CACNA1C: variants seen among roughly 807,000 people sequenced by gnomAD.
CACNA1C encodes voltage-dependent L-type calcium channel subunit alpha-1C.
In CACNA1C, 30 loss-of-function variants were observed where a neutral mutation model predicts 229.0. The ratio of observed to expected loss-of-function variants is 0.13; its 90% CI spans 0.10 to 0.18. CACNA1C has a LOEUF of 0.18. CACNA1C is among the 10% of genes least tolerant of loss of function. The pLI, the probability that CACNA1C is intolerant of heterozygous loss-of-function variation, is 1.00. For missense variants in CACNA1C, 1,658 were observed against 2,845.0 expected (o/e 0.58, Z 9.49); for synonymous variants, 1,114 against 1,132.5 (o/e 0.98, Z 0.33).
chr12:2,462,337 C>T (rs996661904), intron 5 of CACNA1C, among the ~76,000 whole-genome samples: 17 of 150,706 alleles, frequency 1.1e-4, no homozygotes, highest in African/African-American at 4.2e-4. Context: ...TCGGCCCGCC[C>T]CTTGGCTCAG....
chr12:2,651,798 G>T lies in CACNA1C; in HGVS notation c.4074+30G>T. The T allele has an allele frequency of 6.5e-7, 1 of 1,538,098 alleles. No individual in the cohort carries two copies. The highest frequency in any genetic ancestry group is 8.8e-7 in the Non-Finnish European group (1 of 1,141,530). ...CCGCCCCTCATGTCCTGCGGCCCGG[G>T]GAATCGCAGGGCTGCCGCGTGGCCC... On this transcript the variant is annotated intron_variant, in intron 32 of 46. Coordinates refer to ENST00000399655, the MANE Select transcript of CACNA1C (RefSeq NM_000719.7). The surrounding 1 kb of genome is among the most constrained non-coding windows in gnomAD (Gnocchi z 5.4).
chr12:2,115,366 G>C lies in CACNA1C; in HGVS notation c.192G>C (p.Leu64=). The stretch of plus-strand genomic sequence containing the variant: ...TCGACGCAGCCCGGCAGGCTAAGCT[G>C]ATGGGCAGCGCTGGCAATGCGACCA... ...AAIDAARQAK[L]MGSAGNATIS... The change falls in exon 2 of 47, where the codon CTG becomes CTC. Residue 64 remains leucine, a synonymous_variant. Coordinates refer to ENST00000399655, the MANE Select transcript of CACNA1C (RefSeq NM_000719.7). The C allele has an allele frequency of 6.2e-7, 1 of 1,602,640 alleles. No homozygotes were observed. The highest frequency in any genetic ancestry group is 8.5e-7 in the Non-Finnish European group (1 of 1,176,652).
rs776364520 is a variant in CACNA1C, at chr12:2,585,821, C to T, written c.2461-14C>T. On this transcript the variant is annotated splice_polypyrimidine_tract_variant and intron_variant, in intron 17 of 46. Transcript: ENST00000399655. This position sits in a 1 kb window ranked among gnomAD's most constrained non-coding sequence, Gnocchi z 4.1. ...TCTAACTATTCTTCCCCCTTCTCCC[C>T]TGTGACTGTCTAGATCAACATGGAT... is the stretch of plus-strand genomic sequence containing the variant. The T allele has an allele frequency of 6.3e-7, 1 of 1,595,624 alleles. No homozygotes were observed. The highest frequency in any genetic ancestry group is 2.2e-5 in the East Asian group (1 of 44,608).
chr12:2,370,003 A>C (rs370393678), intron 3 of CACNA1C, among the ~76,000 whole-genome samples: 3 of 152,218 alleles, frequency 2.0e-5, no homozygotes, highest in Non-Finnish European at 4.4e-5. Context: ...GCTGCTGTAT[A>C]AGGAGATCTT....
intron 1 of CACNA1C, among the ~76,000 whole-genome samples, chr12:1,976,713 T>TA (rs2034476968): frequency 6.6e-6 from 1 of 152,096 alleles, no homozygotes; most frequent in South Asian, 2.1e-4. Context: ...AGGGGTTCAA[T>TA]AAAATCCCTA....
chr12:2,302,126 A>G (rs192483843), intron 3 of CACNA1C, among the ~76,000 whole-genome samples: 7 of 152,276 alleles, frequency 4.6e-5, no homozygotes, highest in African/African-American at 1.7e-4. Context: ...GTGACTGACT[A>G]GTGTTTATGA....
chr12:2,237,460 C>T (rs1405958934), intron 3 of CACNA1C, among the ~76,000 whole-genome samples: 2 of 152,196 alleles, frequency 1.3e-5, no homozygotes. Flanking sequence ...GATTTCTGTT[C>T]CTGTTGTTTG....
At chr12:2,396,429 G>T (rs1264150651) in intron 3 of CACNA1C, among the ~76,000 whole-genome samples, 1 of 152,212 alleles carries the variant, frequency 6.6e-6, no homozygotes, top group Admixed American at 6.5e-5. Flanking sequence ...CTCTTTCTGT[G>T]GTTGGGGGCA....
chr12:2,460,716 C>T (rs1567819079), intron 5 of CACNA1C, among the ~76,000 whole-genome samples: 2 of 152,176 alleles, frequency 1.3e-5, no homozygotes, highest in African/African-American at 2.4e-5. Flanking sequence ...AAAATATTTT[C>T]GCCATTAGAG....
intron 1 of CACNA1C, among the ~76,000 whole-genome samples, chr12:2,038,687 A>G (rs2049563312): frequency 6.6e-6 from 1 of 152,210 alleles, no homozygotes. Context: ...ATAGGGTGCT[A>G]GTTTTGCCGG....
chr12:2,582,617 A>G (rs1235276617), intron 14 of CACNA1C, among the ~76,000 whole-genome samples: 2 of 152,196 alleles, frequency 1.3e-5, no homozygotes, highest in African/African-American at 4.8e-5. Context: ...TTCAAATAAT[A>G]TTATGCCAAT....
At chr12:2,388,433 G>C (rs2098431982) in intron 3 of CACNA1C, among the ~76,000 whole-genome samples, 1 of 152,198 alleles carries the variant, frequency 6.6e-6, no homozygotes, top group South Asian at 2.1e-4. Flanking sequence ...ATATGCAGTT[G>C]TTATTTGTCA....
At chr12:2,004,201 C>T (rs750600037) in intron 1 of CACNA1C, 3 of 1,572,060 alleles carry the variant, frequency 1.9e-6, no homozygotes, top group East Asian at 2.3e-5. Context: ...TCCCCCTCAC[C>T]GGGTCCTCAA....
intron 30 of CACNA1C, chr12:2,641,578 A>C: frequency 1.7e-6 from 1 of 598,306 alleles, no homozygotes; most frequent in Non-Finnish European, 3.0e-6. Flanking sequence ...CACTTTCGGC[A>C]ACAGCCCCCA....
At chr12:2,592,147 C>T (rs1465634102) in intron 18 of CACNA1C, among the ~76,000 whole-genome samples, 4 of 152,172 alleles carry the variant, frequency 2.6e-5, no homozygotes, top group South Asian at 4.1e-4. Context: ...AAAATAGTTT[C>T]GTGTGAGTGG....
intron 3 of CACNA1C, among the ~76,000 whole-genome samples, chr12:2,344,647 T>A (rs1169170445): frequency 6.6e-6 from 1 of 152,162 alleles, no homozygotes; most frequent in Admixed American, 6.5e-5. Flanking sequence ...CTCACCTTGC[T>A]TTATTCCCAC....
At position 2,566,718 on chromosome 12, in the gene CACNA1C, G is replaced by A. The variant is rs1342249456; in HGVS notation, c.1669+136G>A. ...GGGGCTCTTGGCAGGTGCTGTGCTG[G>A]AGACACCAAGGGCCTGGCAGTTCCA... On this transcript the variant is annotated intron_variant, in intron 12 of 46. Transcript: ENST00000399655. This position sits in a 1 kb window ranked among gnomAD's most constrained non-coding sequence, Gnocchi z 4.0. The A allele has an allele frequency of 2.5e-5, 17 of 681,238 alleles. No individual in the cohort carries two copies. The highest frequency in any genetic ancestry group is 3.8e-5 in the Non-Finnish European group (16 of 417,914). The allele number at this position is 681,238 out of a possible 1,614,324, so 42.2% of individuals were successfully genotyped here.
At chr12:2,421,085 G>A (rs887014717) in intron 3 of CACNA1C, among the ~76,000 whole-genome samples, 4 of 152,162 alleles carry the variant, frequency 2.6e-5, no homozygotes, top group Non-Finnish European at 5.9e-5. Flanking sequence ...TTCATTTGCT[G>A]TTACATAAAG....
Position 2,053,055 on chromosome 12 carries a change from C to T in CACNA1C, c.-508C>T, listed in dbSNP as rs1195595920. 1 of 983,358 alleles carries T rather than the reference C, an allele frequency of 1.0e-6. No homozygotes were observed. The highest frequency in any genetic ancestry group is 1.2e-6 in the Non-Finnish European group (1 of 828,880). The allele number at this position is 983,358 out of a possible 1,614,324, so 60.9% of individuals were successfully genotyped here. A position where few individuals can be genotyped will look rare whatever the true frequency, so the allele number is the denominator to read the frequency against. ...GGCGCTCGGCGCGGCGCGGCGGGCC[C>T]GGAGCGGCGGCGGCGGCTCTTCCTG... On this transcript the variant is annotated 5_prime_UTR_variant, in exon 1 of 47. Coordinates refer to ENST00000399655, the MANE Select transcript of CACNA1C (RefSeq NM_000719.7). The surrounding 1 kb of genome is among the most constrained non-coding windows in gnomAD (Gnocchi z 5.8).
Sources: allele counts gnomAD v4.1 joint callset (sites outside exome capture counted in the v4.1 genomes callset), GRCh38; gene constraint gnomAD v4.1.1; non-coding constraint Gnocchi (gnomAD v3.1); transcripts MANE v1.5; gene names NCBI Gene and HGNC (gene_info 2026-07-23, HGNC 2026-07-21).